The following C1orf87 variants were observed in gnomAD, a reference collection of about 807,000 sequenced individuals.
The protein encoded by C1orf87 is chromosome 1 open reading frame 87, also known as uncharacterized protein C1orf87.
In C1orf87, 58 loss-of-function variants were observed where a neutral mutation model predicts 60.5. The ratio of observed to expected loss-of-function variants is 0.96; its 90% confidence interval spans 0.78 to 1.19. C1orf87 has a LOEUF of 1.19. Ranked by LOEUF, C1orf87 falls within the 50% of genes most tolerant of loss-of-function variation. The pLI is 0.00. For missense variants in C1orf87, 673 were observed against 638.6 expected, an observed-to-expected ratio of 1.05 and a Z score of -0.58; for synonymous variants, 236 against 227.4, an observed-to-expected ratio of 1.04 and a Z score of -0.34.
chr1:60,065,469 T>C (rs1381475506), intron 2 of C1orf87, among the ~76,000 whole-genome samples: 2 of 152,066 alleles, frequency 1.3e-5, no homozygotes, highest in Non-Finnish European at 2.9e-5. Flanking sequence ...AGACAGCTTC[T>C]GGGACCCTTT....
intron 8 of C1orf87, among the ~76,000 whole-genome samples, chr1:60,018,466 A>T (rs568202425): frequency 6.6e-6 from 1 of 152,278 alleles, no homozygotes; most frequent in East Asian, 1.9e-4. Flanking sequence ...TTTGCTCCGC[A>T]TTTTCTCTTG....
intron 8 of C1orf87, among the ~76,000 whole-genome samples, chr1:60,024,478 T>A (rs539897565): frequency 6.6e-6 from 1 of 152,302 alleles, no homozygotes; most frequent in Admixed American, 6.5e-5. Flanking sequence ...TCTACCTCTT[T>A]CTTTTGGTGT....
intron 2 of C1orf87, among the ~76,000 whole-genome samples, chr1:60,067,793 T>C (rs896989486): frequency 3.9e-5 from 6 of 152,118 alleles, no homozygotes; most frequent in Admixed American, 1.3e-4. Context: ...ATGAAGTCTT[T>C]GCCTATGCCT....
intron 9 of C1orf87, among the ~76,000 whole-genome samples, chr1:60,004,714 A>G (rs1474536931): frequency 6.6e-6 from 1 of 152,058 alleles, no homozygotes; most frequent in African/African-American, 2.4e-5. Context: ...AGAAGGATAA[A>G]TAATAACCAT....
intron 6 of C1orf87, among the ~76,000 whole-genome samples, chr1:60,036,565 A>G (rs995749194): frequency 4.6e-5 from 7 of 152,174 alleles, no homozygotes; most frequent in African/African-American, 1.7e-4. Context: ...TTACTATTAC[A>G]AATCAGTGAA....
intron 3 of C1orf87, among the ~76,000 whole-genome samples, chr1:60,050,429 C>G (rs1453546027): frequency 2.0e-5 from 3 of 150,700 alleles, no homozygotes; most frequent in African/African-American, 7.3e-5. Context: ...GTGCCTTTTC[C>G]TCCATTTTAT....
At position 60,015,911 on chromosome 1, in the gene C1orf87, C is replaced by T. The variant is rs1384749053; in HGVS notation, c.1128-5455G>A. Among the ~76,000 whole-genome samples, 3 of 152,226 alleles carry T rather than the reference C, an allele frequency of 2.0e-5. No homozygotes were observed. In the East Asian group the frequency reaches 5.8e-4, roughly 29 times the overall value. On this transcript the variant is annotated intron_variant, in intron 8 of 11. Transcript: ENST00000371201. ...AGACTGGAGGCATGTGCCACCACAC[C>T]AGCTAATTTTTGTATTTTTAGTAGA...
chr1:59,998,534 G>A (rs1332672591), intron 10 of C1orf87, among the ~76,000 whole-genome samples: 1 of 151,950 alleles, frequency 6.6e-6, no homozygotes, highest in Non-Finnish European at 1.5e-5. Flanking sequence ...GCAGTGAGTG[G>A]GCATCTATTA....
chr1:60,030,524 A>T (rs1557467351), intron 7 of C1orf87, among the ~76,000 whole-genome samples: 1 of 152,242 alleles, frequency 6.6e-6, no homozygotes. Context: ...TGAAGCAAAG[A>T]GTAATTAAAA....
chr1:60,065,164 G>A (rs1446986511), intron 2 of C1orf87, among the ~76,000 whole-genome samples: 8 of 148,210 alleles, frequency 5.4e-5, no homozygotes. Context: ...AAAATTACCT[G>A]GGCTCCAGGC....
intron 11 of C1orf87, among the ~76,000 whole-genome samples, chr1:59,992,048 A>G (rs1398255397): frequency 6.6e-6 from 1 of 152,080 alleles, no homozygotes; most frequent in African/African-American, 2.4e-5. Context: ...AAAATTTACT[A>G]TGTTCCAGGA....
intron 7 of C1orf87, among the ~76,000 whole-genome samples, chr1:60,032,007 C>CAT (rs1645241387): frequency 3.5e-5 from 4 of 115,448 alleles, no homozygotes; most frequent in African/African-American, 3.1e-5. Context: ...CACACACATA[C>CAT]ACACACACAC....
At chr1:60,008,545 A>G (rs1025193234) in intron 9 of C1orf87, 1 of 282,782 alleles carries the variant, frequency 3.5e-6, no homozygotes, top group Non-Finnish European at 7.2e-6. Context: ...CTGTAATCCA[A>G]TCTGACTGGT....
intron 7 of C1orf87, among the ~76,000 whole-genome samples, chr1:60,032,005 TACAC>T (rs201766677): frequency 6.6e-4 from 91 of 138,402 alleles, no homozygotes; most frequent in Middle Eastern, 7.2e-3. Context: ...CACACACACA[TACAC>T]ACACACACAC....
chr1:59,997,907 A>G, intron 10 of C1orf87, 91 bp from the exon 11 acceptor site: 1 of 1,238,210 alleles, frequency 8.1e-7, no homozygotes, highest in Non-Finnish European at 1.1e-6. Context: ...AACTAGCAAG[A>G]TTTATAGCAA....
chr1:60,044,221 G>A (rs969683245), intron 3 of C1orf87, among the ~76,000 whole-genome samples: 13 of 151,980 alleles, frequency 8.6e-5, no homozygotes, highest in East Asian at 3.9e-4. Context: ...TAGTAGAGAC[G>A]GGGTTTCACC....
intron 11 of C1orf87, among the ~76,000 whole-genome samples, chr1:59,992,373 A>C (rs1644930534): frequency 6.6e-6 from 1 of 151,920 alleles, no homozygotes; most frequent in African/African-American, 2.4e-5. Flanking sequence ...CTCCCACCTA[A>C]GCCACATGAG....
chr1:60,039,781 A>T, intron 5 of C1orf87, 136 bp downstream of exon 5: 1 of 978,082 alleles, frequency 1.0e-6, no homozygotes, highest in Non-Finnish European at 1.5e-6. Context: ...CATGAATATA[A>T]ATAAGCTTTT....
intron 2 of C1orf87, among the ~76,000 whole-genome samples, chr1:60,072,087 A>G (rs970818638): frequency 3.5e-4 from 54 of 152,294 alleles, no homozygotes; most frequent in African/African-American, 1.3e-3. Flanking sequence ...GAGAAGCCCA[A>G]GCTTAGAGGA....
Sources: allele counts gnomAD v4.1 joint callset (sites outside exome capture counted in the v4.1 genomes callset), GRCh38; gene constraint gnomAD v4.1.1; transcripts MANE v1.5; gene names NCBI Gene and HGNC (gene_info 2026-07-23, HGNC 2026-07-21).